The following UBAP2 variants were observed in gnomAD, a reference collection of about 807,000 sequenced individuals.
UBAP2 encodes the protein ubiquitin associated protein 2, also known as ubiquitin-associated protein 2.
A neutral mutation model predicts 139.6 loss-of-function variants in UBAP2; 75 were observed. That is an observed-to-expected ratio of 0.54 (90% CI 0.45 to 0.65). UBAP2 has a LOEUF of 0.65. UBAP2 is among the 30% of genes least tolerant of loss of function. UBAP2 has a pLI of 0.00. For missense variants in UBAP2, 1,368 were observed against 1,369.6 expected (o/e 1.00, Z 0.02); for synonymous variants, 526 against 526.2 (o/e 1.00, Z 0.01).
intron 6 of UBAP2, among the ~76,000 whole-genome samples, chr9:33,985,564 C>T (rs1289157843): frequency 1.3e-5 from 2 of 152,088 alleles, no homozygotes; most frequent in African/African-American, 4.8e-5. Flanking sequence ...ATAAACCAGA[C>T]ACAGAAAGAT....
intron 2 of UBAP2, among the ~76,000 whole-genome samples, chr9:33,999,338 G>A (rs1428505606): frequency 1.3e-5 from 2 of 150,528 alleles, no homozygotes; most frequent in Admixed American, 6.6e-5. Flanking sequence ...AAAAAAAAAG[G>A]CTTAAAAAGT....
At position 33,998,883 on chromosome 9, in the gene UBAP2, T is replaced by C. The variant is rs190686016; in HGVS notation, c.100-19A>G. ...CTGTTGCCTGGAAAGTACATACAAT[T>C]GTTAAGGATTTGAACACCAAAAGCA... is the stretch of plus-strand genomic sequence containing the variant. On this transcript the variant is annotated intron_variant, in intron 2 of 28. Transcript: ENST00000379238. 1.7e-4 allele frequency: 278 copies of C among 1,603,088 alleles called. 1 individual carries two copies. In the East Asian group the frequency reaches 5.6e-3, roughly 32 times the overall value.
At chr9:34,003,891 T>G (rs1258771995) in intron 2 of UBAP2, among the ~76,000 whole-genome samples, 24 of 152,060 alleles carry the variant, frequency 1.6e-4, no homozygotes, top group Admixed American at 1.6e-3. Context: ...GGCTAATTTT[T>G]GTATTTTTAG....
intron 4 of UBAP2, among the ~76,000 whole-genome samples, chr9:33,993,542 T>C (rs1821892983): frequency 2.0e-5 from 3 of 152,170 alleles, no homozygotes; most frequent in South Asian, 4.1e-4. Flanking sequence ...CGTAGTGGCA[T>C]GCGCCTGTGG....
At chr9:34,017,761 C>A (rs182254923) in intron 1 of UBAP2, among the ~76,000 whole-genome samples, 1 of 152,026 alleles carries the variant, frequency 6.6e-6, no homozygotes, top group Non-Finnish European at 1.5e-5. Context: ...CCCGTCTCTA[C>A]TAAAAATACA....
intron 1 of UBAP2, among the ~76,000 whole-genome samples, chr9:34,034,645 C>T (rs952977896): frequency 1.6e-4 from 25 of 152,128 alleles, no homozygotes; most frequent in Admixed American, 3.3e-4. Flanking sequence ...GAGGCACAGG[C>T]GGGCGGATCA....
rs1371216603 is a variant in UBAP2 at position 34,039,205 on chromosome 9, G to A, written c.-42+9620C>T. Among the ~76,000 whole-genome samples the A allele has an allele frequency of 4.7e-5, 7 of 148,864 alleles. No individual in the cohort carries two copies. In the South Asian group the frequency reaches 8.6e-4, roughly 18 times the overall value. ...GGGAGGGAGGTGGGGGGCAGCCCCC[G>A]CCCGGCCAGCCGCCCCGTTGGGGAG... is the stretch of plus-strand genomic sequence containing the variant. On this transcript the variant is annotated intron_variant, in intron 1 of 28. Coordinates refer to ENST00000379238, the MANE Select transcript of UBAP2 (RefSeq NM_001370062.2).
chr9:34,047,986 A>C (rs956183892), intron 1 of UBAP2, among the ~76,000 whole-genome samples: 1 of 152,236 alleles, frequency 6.6e-6, no homozygotes, highest in Admixed American at 6.6e-5. Context: ...AGGAAATAAC[A>C]GTAATAATGA....
intron 1 of UBAP2, among the ~76,000 whole-genome samples, chr9:34,045,825 C>T (rs190172325): frequency 6.6e-6 from 1 of 152,242 alleles, no homozygotes; most frequent in Non-Finnish European, 1.5e-5. Flanking sequence ...GATCCTATTC[C>T]TAAATACTTG....
chr9:33,983,354 T>C lies in UBAP2; in HGVS notation c.520+3406A>G, dbSNP rs547215185. On this transcript the variant is annotated intron_variant, in intron 6 of 28. Coordinates refer to ENST00000379238, the MANE Select transcript of UBAP2 (RefSeq NM_001370062.2). ...GTAGTCAGTAGTGGGATTTCAGTCA[T>C]GAAGATTTGACGATTTCTCTAAGAC... is the stretch of plus-strand genomic sequence containing the variant. Among the ~76,000 whole-genome samples the C allele has an allele frequency of 1.4e-4, 22 of 152,272 alleles. 1 individual carries two copies. In the South Asian group the frequency reaches 4.6e-3, roughly 32 times the overall value.
At chr9:34,032,748 AC>A (rs1161173371) in intron 1 of UBAP2, among the ~76,000 whole-genome samples, 1 of 151,808 alleles carries the variant, frequency 6.6e-6, no homozygotes, top group African/African-American at 2.4e-5. Context: ...ACATGTCAAA[AC>A]CCTATCTTTA....
chr9:33,977,008 T>C (rs1023341788), intron 6 of UBAP2, among the ~76,000 whole-genome samples: 4 of 142,366 alleles, frequency 2.8e-5, no homozygotes, highest in Non-Finnish European at 4.6e-5. Flanking sequence ...TAAGACTCGG[T>C]CTTGGAAAAA....
chr9:34,048,796 G>GGGAA (rs1445817947), intron 1 of UBAP2, 29 bp downstream of exon 1: 2 of 152,608 alleles, frequency 1.3e-5, no homozygotes, highest in African/African-American at 4.8e-5. Context: ...CCCTGGAAGA[G>GGGAA]GGAAGGAGAG....
At chr9:33,954,054 G>C (rs1409827093) in intron 11 of UBAP2, among the ~76,000 whole-genome samples, 1 of 151,922 alleles carries the variant, frequency 6.6e-6, no homozygotes, top group Non-Finnish European at 1.5e-5. Context: ...TTACAGGCGT[G>C]TGCCACCATG....
chr9:33,976,130 G>A (rs1224072600), intron 6 of UBAP2, among the ~76,000 whole-genome samples: 1 of 152,144 alleles, frequency 6.6e-6, no homozygotes, highest in African/African-American at 2.4e-5. Context: ...TGACTTACAA[G>A]AATGTTAAGA....
At position 33,979,709 on chromosome 9, in the gene UBAP2, C is replaced by T. The variant is rs1022627976; in HGVS notation, c.521-6472G>A. ...CATCCTGGCCAACATGGTGAAACCCCGTCTCTACTAAAAAATACAAGAAGT... is the reference window on the plus strand; with the variant it reads ...CATCCTGGCCAACATGGTGAAACCCTGTCTCTACTAAAAAATACAAGAAGT... On this transcript the variant is annotated intron_variant, in intron 6 of 28. Coordinates refer to ENST00000379238, the MANE Select transcript of UBAP2 (RefSeq NM_001370062.2). Among the ~76,000 whole-genome samples the T allele has an allele frequency of 4.6e-5, 7 of 151,056 alleles. No homozygotes were observed. The East Asian group carries it at 5.9e-4, about 13-fold the overall frequency.
intron 10 of UBAP2, among the ~76,000 whole-genome samples, 199 bp downstream of exon 10, chr9:33,960,626 CA>C (rs1177084868): frequency 6.6e-6 from 1 of 151,508 alleles, no homozygotes; most frequent in Non-Finnish European, 1.5e-5. Flanking sequence ...AAAAAAAATA[CA>C]AAATTAGCCA....
At chr9:34,046,643 CAAAAAAAAAAAAAAA>C (rs59971755) in intron 1 of UBAP2, among the ~76,000 whole-genome samples, 83,015 of 123,238 alleles carry the variant, frequency 0.67, 25,717 homozygotes, top group East Asian at 0.81. Flanking sequence ...GACTCCATCT[CAAAAAAAAAAAAAAA>C]AAAAAAAAAA....
At chr9:34,044,840 T>G (rs912531671) in intron 1 of UBAP2, among the ~76,000 whole-genome samples, 3 of 152,056 alleles carry the variant, frequency 2.0e-5, no homozygotes, top group African/African-American at 7.2e-5. Flanking sequence ...CACTCCAACC[T>G]GGGTGACAGA....
Sources: allele counts gnomAD v4.1 joint callset (sites outside exome capture counted in the v4.1 genomes callset), GRCh38; gene constraint gnomAD v4.1.1; transcripts MANE v1.5; gene names NCBI Gene and HGNC (gene_info 2026-07-23, HGNC 2026-07-21).